The following MYT1 variants were observed in gnomAD, a reference collection of about 807,000 sequenced individuals.
MYT1 encodes the protein myelin transcription factor 1, also known as myelin transcription factor I.
In MYT1, 23 loss-of-function variants were observed where a neutral mutation model predicts 123.0. The ratio of observed to expected loss-of-function variants is 0.19; its 90% CI spans 0.13 to 0.26. The LOEUF (loss-of-function observed/expected upper bound fraction) is 0.26, where lower values mean the gene tolerates loss of function less well. Ranked by LOEUF, MYT1 falls within the 10% of genes least tolerant of loss-of-function variation. The pLI, the probability that MYT1 is intolerant of heterozygous loss-of-function variation, is 1.00. For synonymous variants in MYT1, 518 were observed against 575.3 expected, an observed-to-expected ratio of 0.90 and a Z score of 1.43; for missense variants, 1,125 against 1,472.5, an observed-to-expected ratio of 0.76 and a Z score of 3.86.
rs1982149509 is a variant in MYT1, at chr20:64,168,480, T to C, written c.-99+3741T>C. Among the ~76,000 whole-genome samples the C allele has an allele frequency of 6.6e-6, 1 of 152,228 alleles. No individual in the cohort carries two copies. ...CGGGAACGAAAGTAACTCAGCGTGC[T>C]TTAATCTGCCCTGGCTGAGTACATC... is the stretch of plus-strand genomic sequence containing the variant. On this transcript the variant is annotated intron_variant, in intron 1 of 22. Coordinates refer to ENST00000328439, the MANE Select transcript of MYT1 (RefSeq NM_004535.3). This position sits in a 1 kb window ranked among gnomAD's most constrained non-coding sequence, Gnocchi z 6.1.
At chr20:64,177,320 T>C (rs1982489058) in intron 1 of MYT1, among the ~76,000 whole-genome samples, 1 of 151,942 alleles carries the variant, frequency 6.6e-6, no homozygotes, top group Non-Finnish European at 1.5e-5. Context: ...CAGCAAAAGC[T>C]GGTCTGCCTT....
Position 64,208,432 on chromosome 20 carries a change from G to T in MYT1, c.1236G>T (p.Glu412Asp). Residue 412 changes from glutamate (E) to aspartate (D), a missense_variant, in exon 7 of 23, where the codon GAG becomes GAT. By Grantham distance (45) the Glu-to-Asp change is conservative (BLOSUM62 2). This residue lies in a region of MYT1 where 429 missense variants were observed against 604.1 expected (regional missense o/e 0.71). Coordinates refer to ENST00000328439, the MANE Select transcript of MYT1 (RefSeq NM_004535.3). This position sits in a 1 kb window ranked among gnomAD's most constrained non-coding sequence, Gnocchi z 5.4. The part of the protein sequence containing the change: ...PAEQSQLGLG[E>D]PGKAAKPLDT... ...AGCAGAGCCAGCTGGGCCTGGGAGA[G>T]CCAGGGAAGGCAGCAAAGCCCCTGG... 1 of 1,613,044 alleles carries T rather than the reference G, an allele frequency of 6.2e-7. No homozygotes were observed. Among genetic ancestry groups the T allele is most frequent in the South Asian group, 1.1e-5 (1 of 91,022 alleles).
In MYT1 at chr20:64,235,665, CGTGGTGGGTGACACTGGGCTGGTG is replaced by C. The variant is rs1568722654; in HGVS notation, c.2898-877_2898-854del. ...CCGTGGTGGGTGACCCTGGGATGGCCGTGGTGGGTGACACTGGGCTGGTGGTGGTGGGTGACCCTTGGCTGGCCG... is the reference window on the plus strand; with the variant it reads ...CCGTGGTGGGTGACCCTGGGATGGCCGTGGTGGGTGACCCTTGGCTGGCCG... On this transcript the variant is annotated intron_variant, in intron 19 of 22. Transcript: ENST00000328439. 1.5e-3 allele frequency among the ~76,000 whole-genome samples: 185 copies of C among 121,830 alleles called. 4 individuals are homozygous for C. Among genetic ancestry groups the C allele is most frequent in the Non-Finnish European group, 9.4e-4 (54 of 57,532 alleles). 79.9% of individuals were successfully genotyped at this position (121,830 alleles called of 152,430 possible). A position where few individuals can be genotyped will look rare whatever the true frequency, so the allele number is the denominator to read the frequency against.
Position 64,166,099 on chromosome 20 carries a change from C to A in MYT1, c.-99+1360C>A, listed in dbSNP as rs1982074079. Among the ~76,000 whole-genome samples the A allele has an allele frequency of 6.6e-6, 1 of 152,210 alleles. No individual in the cohort carries two copies. The highest frequency in any genetic ancestry group is 1.5e-5 in the Non-Finnish European group (1 of 68,026). ...CTCCCTGCCACCCCGGGCTCCCCTC[C>A]CATTGGTCCTTGGCTGTGATTATCG... is the stretch of plus-strand genomic sequence containing the variant. On this transcript the variant is annotated intron_variant, in intron 1 of 22. Transcript: ENST00000328439. The surrounding 1 kb of genome is among the most constrained non-coding windows in gnomAD (Gnocchi z 4.9).
Position 64,203,851 on chromosome 20 carries a change from G to C in MYT1, c.87-1184G>C, listed in dbSNP as rs1357148242. ...TGGCGTTCTTTTCCCCGGGTCCCAG[G>C]TATGGGGGCACCAGCCCTTACCTTC... On this transcript the variant is annotated intron_variant, in intron 4 of 22. Transcript: ENST00000328439. The surrounding 1 kb of genome is among the most constrained non-coding windows in gnomAD (Gnocchi z 5.1). Among the ~76,000 whole-genome samples the C allele has an allele frequency of 6.6e-6, 1 of 152,244 alleles. No homozygotes were observed. Among genetic ancestry groups the C allele is most frequent in the Non-Finnish European group, 1.5e-5 (1 of 68,046 alleles).
rs1024865068 is a variant in MYT1, at chr20:64,240,984, A to G, written c.*536A>G. 1 of 153,228 alleles carries G rather than the reference A, an allele frequency of 6.5e-6. No homozygotes were observed. Among genetic ancestry groups the G allele is most frequent in the Non-Finnish European group, 1.5e-5 (1 of 68,636 alleles). The allele number at this position is 153,228 out of a possible 1,614,324, so 9.5% of individuals were successfully genotyped here. A position where few individuals can be genotyped will look rare whatever the true frequency, so the allele number is the denominator to read the frequency against. On this transcript the variant is annotated 3_prime_UTR_variant, in exon 23 of 23. Coordinates refer to ENST00000328439, the MANE Select transcript of MYT1 (RefSeq NM_004535.3). ...GAACAAAGCTCTGTTCTAGAGGGAA[A>G]GTTAGGAATAGGCCTCCCAGAGGAT... is the stretch of plus-strand genomic sequence containing the variant.
chr20:64,169,252 A>G (rs1339140213), intron 1 of MYT1, among the ~76,000 whole-genome samples: 1 of 152,130 alleles, frequency 6.6e-6, no homozygotes, highest in Admixed American at 6.5e-5. Context: ...AAGGTCCCTG[A>G]GACTCTCGGA....
chr20:64,237,264 A>G (rs751213877), intron 20 of MYT1, 23 bp from the exon 21 acceptor site: 25 of 1,601,940 alleles, frequency 1.6e-5, no homozygotes, highest in African/African-American at 8.0e-5. Flanking sequence ...CAAAGCCACA[A>G]CTGAGGTTTC....
chr20:64,165,404 T>C lies in MYT1; in HGVS notation c.-99+665T>C, dbSNP rs1018714587. Among the ~76,000 whole-genome samples the C allele has an allele frequency of 4.6e-5, 7 of 152,332 alleles. No individual in the cohort carries two copies. In the East Asian group the frequency reaches 5.8e-4, roughly 13 times the overall value. On this transcript the variant is annotated intron_variant, in intron 1 of 22. Transcript: ENST00000328439. ...AGTGTGGTTGTTTATGGTGGTAGTG[T>C]AACTGGATTTTTGTATTTAAAACTA...
At chr20:64,187,513 A>C (rs1982848350) in intron 1 of MYT1, among the ~76,000 whole-genome samples, 1 of 152,066 alleles carries the variant, frequency 6.6e-6, no homozygotes, top group African/African-American at 2.4e-5. Context: ...GTTTCCGTGG[A>C]GAGTTTTCCT....
At chr20:64,239,067 T>C (rs1424160946) in intron 21 of MYT1, among the ~76,000 whole-genome samples, 1 of 152,198 alleles carries the variant, frequency 6.6e-6, no homozygotes, top group Non-Finnish European at 1.5e-5. Flanking sequence ...TTTCTGTGAG[T>C]TTAGCCTCTG....
Position 64,186,785 on chromosome 20 carries a change from T to C in MYT1, c.-98-3278T>C, listed in dbSNP as rs1173407714. On this transcript the variant is annotated intron_variant, in intron 1 of 22. Transcript: ENST00000328439. This position sits in a 1 kb window ranked among gnomAD's most constrained non-coding sequence, Gnocchi z 4.3. ...GTAGCCCGTGGCCCCGGCATCCACG[T>C]TTCCGTGGAGACTTTTCCTGTAGCC... 1.3e-5 allele frequency among the ~76,000 whole-genome samples: 2 copies of C among 152,064 alleles called. No homozygotes were observed. The highest frequency in any genetic ancestry group is 2.9e-5 in the Non-Finnish European group (2 of 68,018).
In MYT1 at chr20:64,203,578, CCT is replaced by C. The variant is rs1173542047; in HGVS notation, c.87-1452_87-1451del. Among the ~76,000 whole-genome samples the C allele has an allele frequency of 6.6e-6, 1 of 152,148 alleles. No individual in the cohort carries two copies. The highest frequency in any genetic ancestry group is 1.9e-4 in the East Asian group (1 of 5,166). On this transcript the variant is annotated intron_variant, in intron 4 of 22. Transcript: ENST00000328439. This position sits in a 1 kb window ranked among gnomAD's most constrained non-coding sequence, Gnocchi z 5.1. ...TCCCTCCTCCCTCCCTCCTTCCCTC[CCT>C]CTCTGTCTTCTTGTTAACACACTGA... is the stretch of plus-strand genomic sequence containing the variant.
chr20:64,189,498 G>A lies in MYT1; in HGVS notation c.-98-565G>A, dbSNP rs558339099. Among the ~76,000 whole-genome samples, 6 of 152,202 alleles carry A rather than the reference G, an allele frequency of 3.9e-5. No individual in the cohort carries two copies. Among genetic ancestry groups the A allele is most frequent in the African/African-American group, 1.4e-4 (6 of 41,442 alleles). ...GGGTGACAAAAGATGCTGGAAACCAGGGCAAAGAGCATGCTGGGGCCCCCG... is the reference window on the plus strand; with the variant it reads ...GGGTGACAAAAGATGCTGGAAACCAAGGCAAAGAGCATGCTGGGGCCCCCG... On this transcript the variant is annotated intron_variant, in intron 1 of 22. Coordinates refer to ENST00000328439, the MANE Select transcript of MYT1 (RefSeq NM_004535.3). The surrounding 1 kb of genome is among the most constrained non-coding windows in gnomAD (Gnocchi z 5.5).
intron 13 of MYT1, 115 bp downstream of exon 13, chr20:64,220,097 C>A: frequency 7.2e-7 from 1 of 1,388,556 alleles, no homozygotes; most frequent in Non-Finnish European, 9.3e-7. Flanking sequence ...TCTGGAAGAG[C>A]CTCGGGGAGC....
intron 2 of MYT1, among the ~76,000 whole-genome samples, chr20:64,194,380 G>A (rs1949995094): frequency 1.3e-5 from 2 of 152,204 alleles, no homozygotes; most frequent in Non-Finnish European, 2.9e-5. Flanking sequence ...TCAACCCTTA[G>A]CAGAGCTCTC....
At position 64,189,957 on chromosome 20, in the gene MYT1, G is replaced by A. The variant is rs1310117464; in HGVS notation, c.-98-106G>A. On this transcript the variant is annotated intron_variant, in intron 1 of 22. Coordinates refer to ENST00000328439, the MANE Select transcript of MYT1 (RefSeq NM_004535.3). This position sits in a 1 kb window ranked among gnomAD's most constrained non-coding sequence, Gnocchi z 5.5. ...TCCAGGAAATAGGCATTGAATATAT[G>A]ATGTTAAAAAAGTGCCTCAAGTTTC... The A allele has an allele frequency of 1.3e-5, 2 of 152,636 alleles. No homozygotes were observed. The highest frequency in any genetic ancestry group is 2.9e-5 in the Non-Finnish European group (2 of 68,044). 9.5% of individuals were successfully genotyped at this position (152,636 alleles called of 1,614,324 possible). A position where few individuals can be genotyped will look rare whatever the true frequency, so the allele number is the denominator to read the frequency against.
chr20:64,239,631 G>A (rs1449793002), intron 21 of MYT1, 129 bp from the exon 22 acceptor site: 2 of 1,347,786 alleles, frequency 1.5e-6, no homozygotes, highest in East Asian at 2.4e-5. Context: ...AGGAAGGCAG[G>A]GTCCCTGCCT....
At chr20:64,220,648 T>C (rs1983972736) in intron 13 of MYT1, among the ~76,000 whole-genome samples, 1 of 152,210 alleles carries the variant, frequency 6.6e-6, no homozygotes, top group African/African-American at 2.4e-5. Context: ...CAGCCCAGGG[T>C]CCAGGCGGCA....
Sources: gnomAD v4.1 joint callset for allele counts (sites outside exome capture counted in the v4.1 genomes callset) on GRCh38, gnomAD v4.1.1 for gene constraint, gnomAD v4.1.1 regional missense constraint, Gnocchi (gnomAD v3.1) non-coding constraint, MANE v1.5 for transcripts, NCBI Gene and HGNC (gene_info 2026-07-23, HGNC 2026-07-21) for gene names.